The following ROCK1 variants were observed in gnomAD, a reference collection of about 807,000 sequenced individuals.
The protein encoded by ROCK1 is Rho associated coiled-coil containing protein kinase 1.
Under a neutral mutation model 196.8 loss-of-function variants are expected in ROCK1, and 36 were observed. The observed-to-expected ratio is 0.18, with a 90% CI of 0.14 to 0.24. ROCK1 has a LOEUF of 0.24. ROCK1 is among the 10% of genes least tolerant of loss of function. The probability of loss-of-function intolerance (pLI) is 1.00; values close to 1 mark genes in which losing one functional copy is unlikely to be tolerated. For synonymous variants in ROCK1, 443 were observed against 515.9 expected (o/e 0.86, Z 1.91); for missense variants, 920 against 1,562.0 (o/e 0.59, Z 6.93).
In ROCK1 at chr18:21,100,586, T is replaced by A. The variant is rs372961141; in HGVS notation, c.93+10232A>T. 3.7e-4 allele frequency among the ~76,000 whole-genome samples: 51 copies of A among 139,660 alleles called. 1 individual carries two copies. The highest frequency in any genetic ancestry group is 1.6e-3 in the East Asian group (8 of 4,914). The allele number at this position is 139,660 out of a possible 152,430, so 91.6% of individuals were successfully genotyped here. A position where few individuals can be genotyped will look rare whatever the true frequency, so the allele number is the denominator to read the frequency against. ...TGTGTTTATAATGATGCCAAAAATT[T>A]AAAAAAAAAAAAAAGACTGAGAGCG... On this transcript the variant is annotated intron_variant, in intron 1 of 32. Coordinates refer to ENST00000399799, the MANE Select transcript of ROCK1 (RefSeq NM_005406.3).
intron 2 of ROCK1, among the ~76,000 whole-genome samples, chr18:21,052,864 T>C (rs2036215296): frequency 6.6e-6 from 1 of 152,140 alleles, no homozygotes; most frequent in Admixed American, 6.6e-5. Context: ...CCAAAAAGTT[T>C]GGGGACTGCT....
At chr18:20,955,094 G>C in intron 30 of ROCK1, 50 bp from the exon 31 acceptor site, 2 of 1,528,996 alleles carry the variant, frequency 1.3e-6, no homozygotes, top group South Asian at 1.3e-5. Flanking sequence ...CTTAAGCATT[G>C]GTATATTTTA....
At chr18:21,062,126 A>G (rs766103013) in intron 2 of ROCK1, among the ~76,000 whole-genome samples, 2 of 152,338 alleles carry the variant, frequency 1.3e-5, no homozygotes, top group East Asian at 1.9e-4. Context: ...AGTAGCAATA[A>G]GCACACCTAG....
intron 17 of ROCK1, among the ~76,000 whole-genome samples, chr18:20,992,180 G>C (rs1454010526): frequency 6.6e-6 from 1 of 152,046 alleles, no homozygotes; most frequent in Non-Finnish European, 1.5e-5. Flanking sequence ...ACACCAGCTT[G>C]GCCATCAAAA....
intron 19 of ROCK1, among the ~76,000 whole-genome samples, chr18:20,985,027 C>G (rs1290291222): frequency 6.6e-6 from 1 of 151,208 alleles, no homozygotes. Flanking sequence ...CTTGAGCCTA[C>G]GAGTCAGAGG....
intron 8 of ROCK1, among the ~76,000 whole-genome samples, chr18:21,041,393 T>G (rs1291388344): frequency 2.0e-5 from 3 of 151,548 alleles, no homozygotes; most frequent in Non-Finnish European, 4.4e-5. Context: ...AAGTACTAGG[T>G]CTCCCTAATA....
intron 2 of ROCK1, among the ~76,000 whole-genome samples, chr18:21,063,011 G>A (rs759264008): frequency 6.6e-6 from 1 of 152,100 alleles, no homozygotes; most frequent in Non-Finnish European, 1.5e-5. Flanking sequence ...GTTTTTTGCT[G>A]CTATAACAGA....
chr18:21,092,289 A>G (rs1325976868), intron 1 of ROCK1, among the ~76,000 whole-genome samples: 1 of 152,154 alleles, frequency 6.6e-6, no homozygotes, highest in African/African-American at 2.4e-5. Flanking sequence ...TGGATCAACC[A>G]AACAAAATAA....
chr18:20,999,401 T>G (rs1166058531), intron 16 of ROCK1, among the ~76,000 whole-genome samples: 1 of 151,792 alleles, frequency 6.6e-6, no homozygotes, highest in African/African-American at 2.4e-5. Flanking sequence ...TAATACAAAT[T>G]TTAATCCACC....
At chr18:21,070,038 T>C (rs532850956) in intron 2 of ROCK1, among the ~76,000 whole-genome samples, 51 of 152,090 alleles carry the variant, frequency 3.4e-4, no homozygotes, top group Admixed American at 3.2e-3. Flanking sequence ...CAAACTTACA[T>C]GTATCAATAT....
intron 1 of ROCK1, among the ~76,000 whole-genome samples, chr18:21,107,421 T>G (rs1449711900): frequency 3.9e-5 from 6 of 152,066 alleles, no homozygotes; most frequent in Admixed American, 3.9e-4. Context: ...TTTTTGGGAT[T>G]ACAAAAACAA....
chr18:21,012,327 G>A (rs955376252), intron 13 of ROCK1, among the ~76,000 whole-genome samples: 1 of 152,158 alleles, frequency 6.6e-6, no homozygotes, highest in Non-Finnish European at 1.5e-5. Flanking sequence ...GTGTGCTGGT[G>A]ACACATTATC....
chr18:20,984,288 A>AAC (rs1388116392), intron 20 of ROCK1, 63 bp downstream of exon 20: 1 of 1,252,302 alleles, frequency 8.0e-7, no homozygotes, highest in African/African-American at 1.5e-5. Flanking sequence ...TAAAATGTCA[A>AAC]ACACACAAGT....
intron 13 of ROCK1, among the ~76,000 whole-genome samples, chr18:21,013,771 G>C (rs1032551190): frequency 2.0e-5 from 3 of 152,042 alleles, no homozygotes; most frequent in Non-Finnish European, 2.9e-5. Context: ...GTTAAGAATG[G>C]GGCTACAGTT....
intron 9 of ROCK1, among the ~76,000 whole-genome samples, chr18:21,037,675 A>C (rs922036802): frequency 1.3e-5 from 2 of 152,196 alleles, no homozygotes; most frequent in African/African-American, 4.8e-5. Flanking sequence ...TAACCACGCT[A>C]GAATAAAACC....
chr18:21,079,808 G>A (rs758691053), intron 1 of ROCK1, among the ~76,000 whole-genome samples: 6 of 152,186 alleles, frequency 3.9e-5, no homozygotes, highest in Non-Finnish European at 7.3e-5. Context: ...GGGGACCTCA[G>A]TCCATTTGCC....
At chr18:21,002,003 TA>T (rs1220464015) in intron 16 of ROCK1, among the ~76,000 whole-genome samples, 12 of 152,126 alleles carry the variant, frequency 7.9e-5, no homozygotes, top group Non-Finnish European at 1.8e-4. Flanking sequence ...AAAAATCATT[TA>T]TAAACTAAGC....
chr18:21,053,333 C>T (rs1244965932), intron 2 of ROCK1, among the ~76,000 whole-genome samples: 1 of 151,428 alleles, frequency 6.6e-6, no homozygotes, highest in African/African-American at 2.4e-5. Flanking sequence ...AGAAATTTTA[C>T]TGGGATGAGA....
intron 27 of ROCK1, among the ~76,000 whole-genome samples, chr18:20,963,109 G>C (rs1317690384): frequency 6.6e-6 from 1 of 151,708 alleles, no homozygotes; most frequent in African/African-American, 2.4e-5. Flanking sequence ...CTCTAAGTCT[G>C]GATTATCCTT....
Sources: gnomAD v4.1 joint callset for allele counts (sites outside exome capture counted in the v4.1 genomes callset) on GRCh38, gnomAD v4.1.1 for gene constraint, MANE v1.5 for transcripts, NCBI Gene and HGNC (gene_info 2026-07-23, HGNC 2026-07-21) for gene names.